Variants in RPRD1B observed in about 807,000 individuals in gnomAD.
The protein encoded by RPRD1B is regulation of nuclear pre-mRNA domain containing 1B, also known as regulation of nuclear pre-mRNA domain-containing protein 1B.
A neutral mutation model predicts 41.5 loss-of-function variants in RPRD1B; 11 were observed. The observed-to-expected ratio is 0.27, with a 90% CI of 0.17 to 0.44. The LOEUF is 0.44. Among genes scored for constraint, RPRD1B ranks in the 20% least tolerant of loss-of-function variants. RPRD1B has a pLI of 1.00. For synonymous variants in RPRD1B, 158 were observed against 155.6 expected, an observed-to-expected ratio of 1.02 and a Z score of -0.12; for missense variants, 248 against 389.9, an observed-to-expected ratio of 0.64 and a Z score of 3.06.
intron 6 of RPRD1B, among the ~76,000 whole-genome samples, chr20:38,081,826 T>G (rs542627239): frequency 6.6e-6 from 1 of 152,328 alleles, no homozygotes; most frequent in East Asian, 1.9e-4. Context: ...TGATGAAGTT[T>G]TTGTTTTTAG....
At chr20:38,065,417 T>G (rs561733316) in intron 5 of RPRD1B, among the ~76,000 whole-genome samples, 1 of 152,306 alleles carries the variant, frequency 6.6e-6, no homozygotes, top group African/African-American at 2.4e-5. Context: ...CCATGGGGGT[T>G]TGGTTCCAAG....
At chr20:38,081,642 A>T (rs2122764983) in intron 6 of RPRD1B, among the ~76,000 whole-genome samples, 1 of 152,202 alleles carries the variant, frequency 6.6e-6, no homozygotes, top group Non-Finnish European at 1.5e-5. Flanking sequence ...CTCTCAAGGG[A>T]AATGCTTCCA....
intron 3 of RPRD1B, chr20:38,049,728 G>C (rs1014411521): frequency 8.5e-6 from 4 of 471,002 alleles, no homozygotes; most frequent in Admixed American, 7.0e-5. Flanking sequence ...CTGGTTAGTT[G>C]TGGTTTAATT....
At chr20:38,069,127 A>G (rs1027916570) in intron 6 of RPRD1B, among the ~76,000 whole-genome samples, 1 of 152,118 alleles carries the variant, frequency 6.6e-6, no homozygotes, top group African/African-American at 2.4e-5. Context: ...TTAACTTTGT[A>G]TCTTGCTTTA....
At chr20:38,055,215 TAAC>T (rs1254722443) in intron 3 of RPRD1B, among the ~76,000 whole-genome samples, 1 of 152,248 alleles carries the variant, frequency 6.6e-6, no homozygotes, top group Non-Finnish European at 1.5e-5. Context: ...TAATATGCTG[TAAC>T]AACAAATTAG....
intron 3 of RPRD1B, chr20:38,049,893 A>G (rs1176809479): frequency 2.1e-6 from 1 of 468,652 alleles, no homozygotes; most frequent in African/African-American, 2.0e-5. Flanking sequence ...CCTCACTTAC[A>G]CTGTATTCTT....
Position 38,091,815 on chromosome 20 carries a change from GCT to G in RPRD1B, c.*1943_*1944del. 1.0e-6 allele frequency: 1 copy of G among 985,792 alleles called. No individual in the cohort carries two copies. Among genetic ancestry groups the G allele is most frequent in the Non-Finnish European group, 1.2e-6 (1 of 829,930 alleles). The allele number at this position is 985,792 out of a possible 1,614,324, so 61.1% of individuals were successfully genotyped here. A position where few individuals can be genotyped will look rare whatever the true frequency, so the allele number is the denominator to read the frequency against. On this transcript the variant is annotated 3_prime_UTR_variant, in exon 7 of 7. Coordinates refer to ENST00000373433, the MANE Select transcript of RPRD1B (RefSeq NM_021215.4). ...TATAGCAGAATGGATTTAGCCCACT[GCT>G]CTGTTTTATCCAACTGAGTCTCTGA...
Position 38,033,941 on chromosome 20 carries a change from C to CTGG in RPRD1B, c.-7_-6insTGG. On this transcript the variant is annotated 5_prime_UTR_variant, in exon 1 of 7. Coordinates refer to ENST00000373433, the MANE Select transcript of RPRD1B (RefSeq NM_021215.4). ...GCCGCTCCCTGCCGGGCCTCACTGC[C>CTGG]GCCACCATGTCCTCCTTCTCTGAGT... 3 of 1,605,310 alleles carry CTGG rather than the reference C, an allele frequency of 1.9e-6. No individual in the cohort carries two copies. The South Asian group carries it at 3.3e-5, about 18-fold the overall frequency.
intron 3 of RPRD1B, among the ~76,000 whole-genome samples, chr20:38,055,818 A>G (rs2074234565): frequency 3.3e-5 from 5 of 152,190 alleles, no homozygotes; most frequent in Admixed American, 3.3e-4. Context: ...ACAGGTGTTC[A>G]GTGACCAATC....
chr20:38,064,020 C>T (rs1023051786), intron 5 of RPRD1B, among the ~76,000 whole-genome samples: 4 of 152,178 alleles, frequency 2.6e-5, no homozygotes, highest in African/African-American at 9.7e-5. Context: ...GGCACCTAAA[C>T]ATCTTAGTGA....
At chr20:38,043,139 T>C (rs2074084378) in intron 2 of RPRD1B, among the ~76,000 whole-genome samples, 1 of 152,154 alleles carries the variant, frequency 6.6e-6, no homozygotes, top group Non-Finnish European at 1.5e-5. Context: ...CAGGACAATA[T>C]GGACATAGTA....
intron 6 of RPRD1B, among the ~76,000 whole-genome samples, chr20:38,084,600 A>G (rs1005227883): frequency 1.3e-4 from 20 of 152,310 alleles, no homozygotes; most frequent in African/African-American, 4.8e-4. Flanking sequence ...GGTCTGGCTT[A>G]CTTCTCTAAC....
At chr20:38,063,784 A>AAGGAGAGCAGGGAGCGTG (rs1411852446) in intron 5 of RPRD1B, among the ~76,000 whole-genome samples, 1 of 152,196 alleles carries the variant, frequency 6.6e-6, no homozygotes, top group African/African-American at 2.4e-5. Flanking sequence ...CTGATGGGTG[A>AAGGAGAGCAGGGAGCGTG]AGGAGAGCAG....
rs5841284 is a variant in RPRD1B at position 38,091,329 on chromosome 20, A to ATAGG, written c.*1456_*1457insGGTA. The ATAGG allele has an allele frequency of 0.23, 227,386 of 984,446 alleles. 27,557 individuals carry two copies. Among genetic ancestry groups the ATAGG allele is most frequent in the Middle Eastern group, 0.29 (546 of 1,908 alleles). 61.0% of individuals were successfully genotyped at this position (984,446 alleles called of 1,614,324 possible). ...TTTTACATGTTAAACACATTGAAACATAACCTATGTTTATAAAGCATAACG... is the reference window on the plus strand; with the variant it reads ...TTTTACATGTTAAACACATTGAAACATAGGTAACCTATGTTTATAAAGCATAACG... On this transcript the variant is annotated 3_prime_UTR_variant, in exon 7 of 7. Transcript: ENST00000373433.
chr20:38,061,358 G>C (rs1392872137), intron 5 of RPRD1B, among the ~76,000 whole-genome samples: 1 of 152,106 alleles, frequency 6.6e-6, no homozygotes, highest in African/African-American at 2.4e-5. Context: ...TCCCGAACCT[G>C]TGTAGTGGAA....
intron 6 of RPRD1B, among the ~76,000 whole-genome samples, chr20:38,087,484 A>G (rs1035901538): frequency 1.3e-5 from 2 of 152,156 alleles, no homozygotes; most frequent in South Asian, 2.1e-4. Flanking sequence ...AGGGCTCCCT[A>G]GTTGCCAAGA....
chr20:38,078,166 C>CAAAA (rs1166192655), intron 6 of RPRD1B, among the ~76,000 whole-genome samples: 1 of 109,946 alleles, frequency 9.1e-6, no homozygotes, highest in East Asian at 2.8e-4. Flanking sequence ...CAGGCTGTCT[C>CAAAA]AAAAAAAAAA....
At chr20:38,087,963 C>A (rs2074577372) in intron 6 of RPRD1B, among the ~76,000 whole-genome samples, 1 of 152,278 alleles carries the variant, frequency 6.6e-6, no homozygotes, top group Admixed American at 6.5e-5. Flanking sequence ...CTGGTCCTGG[C>A]CTCCAGGAGC....
At position 38,090,751 on chromosome 20, in the gene RPRD1B, G is replaced by A. The variant is rs1305230887; in HGVS notation, c.*876G>A. 2 of 985,408 alleles carry A rather than the reference G, an allele frequency of 2.0e-6. No homozygotes were observed. The highest frequency in any genetic ancestry group is 6.1e-5 in the Admixed American group (1 of 16,274). 61.0% of individuals were successfully genotyped at this position (985,408 alleles called of 1,614,324 possible). On this transcript the variant is annotated 3_prime_UTR_variant, in exon 7 of 7. Transcript: ENST00000373433. ...CCCACACACAGGTGTGCTGCATTTG[G>A]GATCTGTGTGGGTGTTTCTTGGACC...
Sources: allele counts gnomAD v4.1 joint callset (sites outside exome capture counted in the v4.1 genomes callset), GRCh38; gene constraint gnomAD v4.1.1; transcripts MANE v1.5; gene names NCBI Gene and HGNC (gene_info 2026-07-23, HGNC 2026-07-21).